NLRP1: variants seen among roughly 807,000 people sequenced by gnomAD.
NLRP1 encodes the protein NACHT, LRR and PYD domains-containing protein 1.
NLRP1 carries 94 observed loss-of-function variants against 136.7 expected under a neutral mutation model. That is an observed-to-expected ratio of 0.69 (90% CI 0.58 to 0.82). NLRP1 has a LOEUF of 0.82. Among genes scored for constraint, NLRP1 ranks in the 40% least tolerant of loss-of-function variants. The probability of loss-of-function intolerance (pLI) is 0.00; values close to 1 mark genes in which losing one functional copy is unlikely to be tolerated. For missense variants in NLRP1, 1,575 were observed against 1,802.7 expected (o/e 0.87, Z 2.29); for synonymous variants, 690 against 725.1 (o/e 0.95, Z 0.78).
At chr17:5,512,868 G>A (rs1907734447), downstream of NLRP1, among the ~76,000 whole-genome samples, 1 of 152,304 alleles carries the variant, frequency 6.6e-6, no homozygotes, top group Middle Eastern at 3.4e-3. Context: ...GCTTTGGTGG[G>A]CTTTGGCCAG....
At chr17:5,556,102 C>G (rs1914018097) in intron 4 of NLRP1, among the ~76,000 whole-genome samples, 1 of 136,512 alleles carries the variant, frequency 7.3e-6, no homozygotes, top group Admixed American at 7.7e-5. Context: ...GTCTCTGTCT[C>G]TGTCTCTCTC....
At chr17:5,574,915 C>T (rs1023638588) in intron 3 of NLRP1, among the ~76,000 whole-genome samples, 6 of 152,056 alleles carry the variant, frequency 3.9e-5, no homozygotes, top group South Asian at 2.1e-4. Flanking sequence ...CTGCCCATCT[C>T]GGCCTCCCAA....
At chr17:5,574,660 C>CTTT (rs1169415443) in intron 3 of NLRP1, among the ~76,000 whole-genome samples, 4 of 134,422 alleles carry the variant, frequency 3.0e-5, no homozygotes, top group Admixed American at 7.6e-5. Context: ...ATTCAACATT[C>CTTT]TTTTTTTTTT....
rs987876577 is a variant in NLRP1 at position 5,559,408 on chromosome 17, A to C, written c.1288T>G (p.Trp430Gly). 3 of 1,613,966 alleles carry C rather than the reference A, an allele frequency of 1.9e-6. No homozygotes were observed. In the African/African-American group the frequency reaches 4.0e-5, roughly 22 times the overall value. The stretch of plus-strand genomic sequence containing the variant: ...GCATCCGCCGGCTGTGGCTGGCTCC[A>C]GTGCAGACAGAGCTCAGAACTCGGC... ...QEPSSELCLH[W>G]SQPQPADALL... is the part of the protein sequence containing the mutation. Residue 430 changes from tryptophan to glycine, a missense_variant, in exon 4 of 17, where the codon TGG becomes GGG. Transcript: ENST00000572272.
Position 5,536,841 on chromosome 17 carries a change from C to T in NLRP1, c.2960+10G>A, listed in dbSNP as rs1911133143. ...GGGTCAGCCAGAGGGAGTTCTGGGT[C>T]CCCCCTTACCGTCTGCTGAAGATGA... On this transcript the variant is annotated intron_variant, in intron 8 of 16. Coordinates refer to ENST00000572272, the MANE Select transcript of NLRP1 (RefSeq NM_033004.4). The T allele has an allele frequency of 3.1e-6, 5 of 1,598,608 alleles. No individual in the cohort carries two copies. The highest frequency in any genetic ancestry group is 2.7e-5 in the African/African-American group (2 of 74,682).
rs1323644222 is a variant in NLRP1 at position 5,517,842 on chromosome 17, A to G, written c.3961T>C (p.Ser1321Pro). The change falls in exon 15 of 17, where the codon TCG becomes CCG. Residue 1321 changes from serine (S) to proline (P), a missense_variant. By Grantham distance (74) the Ser-to-Pro change is moderately conservative. Coordinates refer to ENST00000572272, the MANE Select transcript of NLRP1 (RefSeq NM_033004.4). ...YRSPGEDQLF[S>P]EFYVGHLGSG... ...CCCAAGTGGCCAACGTAGAACTCCG[A>G]GAACAGCTGGTCTTCTCCAGGGCTT... The G allele has an allele frequency of 6.2e-7, 1 of 1,614,208 alleles. No homozygotes were observed. Among genetic ancestry groups the G allele is most frequent in the Non-Finnish European group, 8.5e-7 (1 of 1,180,038 alleles).
chr17:5,530,986 C>T (rs558727598), intron 11 of NLRP1, among the ~76,000 whole-genome samples: 9 of 152,298 alleles, frequency 5.9e-5, no homozygotes, highest in African/African-American at 2.2e-4. Context: ...TGCATGCTCA[C>T]AGCTTAGTAC....
intron 3 of NLRP1, among the ~76,000 whole-genome samples, chr17:5,566,081 C>T (rs1056033594): frequency 2.0e-5 from 3 of 151,720 alleles, no homozygotes; most frequent in Non-Finnish European, 4.4e-5. Context: ...TTTTTCTTAG[C>T]TTGGCTAAAG....
At chr17:5,542,990 C>G (rs908370959) in intron 5 of NLRP1, among the ~76,000 whole-genome samples, 1 of 152,086 alleles carries the variant, frequency 6.6e-6, no homozygotes, top group Admixed American at 6.6e-5. Flanking sequence ...CCACCATGCC[C>G]GGCTAATTTT....
At chr17:5,529,883 C>A (rs73342916) in intron 12 of NLRP1, 40,932 of 419,478 alleles carry the variant, frequency 0.098, 2,338 homozygotes, top group African/African-American at 0.17. Flanking sequence ...ACTTCTGGTG[C>A]CTTGTTTCCC....
chr17:5,568,044 T>G (rs1199311778), intron 3 of NLRP1, among the ~76,000 whole-genome samples: 1 of 152,158 alleles, frequency 6.6e-6, no homozygotes, highest in Non-Finnish European at 1.5e-5. Flanking sequence ...GGTAGTCTAC[T>G]TTGGGTTAAA....
rs202167110 is a variant in NLRP1, at chr17:5,583,708, C to T, written c.250G>A (p.Ala84Thr). The T allele has an allele frequency of 5.1e-5, 79 of 1,554,108 alleles. No individual in the cohort carries two copies. Among genetic ancestry groups the T allele is most frequent in the Middle Eastern group, 2.2e-4 (1 of 4,592 alleles). ...WEQMGLRSLC[A>T]QAQEGAGHSP... ...TCACCTGCCCCTTCCTGGGCTTGGG[C>T]GCACAGTGACCTCAGCCCCATCTGC... The change falls in exon 1 of 17, where the codon GCC becomes ACC. Residue 84 changes from alanine (A) to threonine (T), a missense_variant. Transcript: ENST00000572272. The surrounding 1 kb of genome is among the most constrained non-coding windows in gnomAD (Gnocchi z 4.5).
At chr17:5,561,732 C>T (rs1031962387) in intron 3 of NLRP1, among the ~76,000 whole-genome samples, 31,401 of 129,862 alleles carry the variant, frequency 0.24, 6,482 homozygotes, top group Non-Finnish European at 0.28. Flanking sequence ...CGTGAGCCAC[C>T]GCGCCCGGCC....
In NLRP1 at chr17:5,553,365, CAG is replaced by C. The variant is rs770725792; in HGVS notation, c.2528+19_2528+20del. Reference sequence around the variant, plus strand: ...TCTCTTCCCCATCCCTGCTTCAGAACAGAACCCAGGCCAGACTCACCGCAGGG... The same window carrying C: ...TCTCTTCCCCATCCCTGCTTCAGAACAACCCAGGCCAGACTCACCGCAGGG... On this transcript the variant is annotated intron_variant, in intron 5 of 16. Coordinates refer to ENST00000572272, the MANE Select transcript of NLRP1 (RefSeq NM_033004.4). The C allele has an allele frequency of 6.3e-7, 1 of 1,595,640 alleles. No homozygotes were observed. Among genetic ancestry groups the C allele is most frequent in the South Asian group, 1.1e-5 (1 of 89,148 alleles).
In NLRP1 at chr17:5,581,896, T is replaced by C. The variant is rs761567866; in HGVS notation, c.615A>G (p.Gln205=). The stretch of plus-strand genomic sequence containing the variant: ...TTCCTGACGTTTCATCCAGAGGCCA[T>C]TGGGTCCCAGGAGCCTCCTGCTCTC... ...APREQEAPGT[Q]WPLDETSGIY... The change falls in exon 3 of 17, where the codon CAA becomes CAG. Residue 205 remains glutamine, a synonymous_variant. Transcript: ENST00000572272. The C allele has an allele frequency of 8.7e-6, 14 of 1,612,992 alleles. No individual in the cohort carries two copies. In the East Asian group the frequency reaches 8.9e-5, roughly 10 times the overall value.
At chr17:5,532,142 G>C (rs1567640406) in intron 11 of NLRP1, among the ~76,000 whole-genome samples, 7 of 152,198 alleles carry the variant, frequency 4.6e-5, no homozygotes. Flanking sequence ...AGCTACTAGA[G>C]AGGCTGAGGC....
At chr17:5,532,670 C>T (rs1016922155) in intron 11 of NLRP1, 152 bp downstream of exon 11, 4 of 561,954 alleles carry the variant, frequency 7.1e-6, no homozygotes, top group African/African-American at 3.9e-5. Context: ...AGTGTCTCAG[C>T]CCTGTCTCTG....
At position 5,541,829 on chromosome 17, in the gene NLRP1, C is replaced by T. The variant is rs1408791144; in HGVS notation, c.2699+28G>A. 5 of 1,611,112 alleles carry T rather than the reference C, an allele frequency of 3.1e-6. No individual in the cohort carries two copies. The highest frequency in any genetic ancestry group is 1.7e-5 in the Admixed American group (1 of 59,968). ...TCATGGTGGCAGGCAGTTCCCTCCACCTCCCCCTGCCCACCAAGAACAATT... is the reference window on the plus strand; with the variant it reads ...TCATGGTGGCAGGCAGTTCCCTCCATCTCCCCCTGCCCACCAAGAACAATT... On this transcript the variant is annotated intron_variant, in intron 6 of 16. Coordinates refer to ENST00000572272, the MANE Select transcript of NLRP1 (RefSeq NM_033004.4). This position sits in a 1 kb window ranked among gnomAD's most constrained non-coding sequence, Gnocchi z 4.2.
chr17:5,583,695 T>C lies in NLRP1; in HGVS notation c.263A>G (p.Glu88Gly), dbSNP rs1905966149. 3 of 1,553,716 alleles carry C rather than the reference T, an allele frequency of 1.9e-6. No individual in the cohort carries two copies. In the Admixed American group the frequency reaches 5.8e-5, roughly 30 times the overall value. The change falls in exon 1 of 17, where the codon GAA becomes GGA. Residue 88 changes from glutamate (E) to glycine (G), a missense_variant. Coordinates refer to ENST00000572272, the MANE Select transcript of NLRP1 (RefSeq NM_033004.4). This position sits in a 1 kb window ranked among gnomAD's most constrained non-coding sequence, Gnocchi z 4.5. The part of the protein sequence containing the change: ...GLRSLCAQAQ[E>G]GAGHSPSFPY... ...GTCCTCTGTCCACTCACCTGCCCCTTCCTGGGCTTGGGCGCACAGTGACCT... is the reference window on the plus strand; with the variant it reads ...GTCCTCTGTCCACTCACCTGCCCCTCCCTGGGCTTGGGCGCACAGTGACCT...
Sources: gnomAD v4.1 joint callset for allele counts (sites outside exome capture counted in the v4.1 genomes callset) on GRCh38, gnomAD v4.1.1 for gene constraint, Gnocchi (gnomAD v3.1) non-coding constraint, MANE v1.5 for transcripts, NCBI Gene and HGNC (gene_info 2026-07-23, HGNC 2026-07-21) for gene names.